The following MID1 variants were observed in gnomAD, a reference collection of about 807,000 sequenced individuals.
The protein encoded by MID1 is midline 1.
Under a neutral mutation model 40.4 loss-of-function variants are expected in MID1, and 7 were observed. The observed-to-expected ratio is 0.17, with a 90% confidence interval of 0.10 to 0.33. The LOEUF is 0.33. Ranked by LOEUF, MID1 falls within the 10% of genes least tolerant of loss-of-function variation. The pLI is 1.00. For missense variants in MID1, 367 were observed against 558.5 expected (o/e 0.66, Z 3.46); for synonymous variants, 229 against 221.2 (o/e 1.04, Z -0.31).
In MID1 at chrX:10,605,698, T is replaced by A. The variant is rs186355747; in HGVS notation, c.-57+14592A>T. Among the ~76,000 whole-genome samples the A allele has an allele frequency of 6.2e-3, 698 of 111,918 alleles. 1 individual carries two copies. The highest frequency in any genetic ancestry group is 9.8e-3 in the Non-Finnish European group (522 of 53,147). ...CATGCTATGAAACTAATACATTTTT[T>A]AAAAAGTATCCTATTATTTTGGGGG... On this transcript the variant is annotated intron_variant, in intron 1 of 9. Transcript: ENST00000317552.
chrX:10,504,161 T>C (rs1217893307), intron 3 of MID1, among the ~76,000 whole-genome samples: 1 of 111,702 alleles, frequency 9.0e-6, no homozygotes, highest in Non-Finnish European at 1.9e-5. Flanking sequence ...ACCAGGTTTT[T>C]ATTGCTTACT....
At chrX:10,772,858 G>A (rs1419312056) in intron 1 of MID1, among the ~76,000 whole-genome samples, 1 of 110,310 alleles carries the variant, frequency 9.1e-6, no homozygotes, top group Non-Finnish European at 1.9e-5. Flanking sequence ...TATGTTGAAT[G>A]ATTTGACATG....
intron 1 of MID1, among the ~76,000 whole-genome samples, chrX:10,634,240 T>C (rs910073420): frequency 8.9e-6 from 1 of 112,102 alleles, no homozygotes; most frequent in African/African-American, 3.2e-5. Context: ...AACAGGATGG[T>C]TGATATTTAT....
intron 1 of MID1, among the ~76,000 whole-genome samples, chrX:10,709,783 A>G (rs960420): frequency 0.17 from 18,466 of 111,343 alleles, 2,423 homozygotes; most frequent in African/African-American, 0.45. Context: ...CAGGTTATAA[A>G]AGCCAGTTAA....
At chrX:10,584,998 A>G (rs776776261) in intron 1 of MID1, among the ~76,000 whole-genome samples, 83 of 111,088 alleles carry the variant, frequency 7.5e-4, no homozygotes, top group East Asian at 1.7e-3. Context: ...CAGGGGGTAC[A>G]TGACAGGGGC....
intron 1 of MID1, among the ~76,000 whole-genome samples, chrX:10,785,469 T>C (rs2043875845): frequency 9.0e-6 from 1 of 111,191 alleles, no homozygotes; most frequent in African/African-American, 3.3e-5. Context: ...AAAATTACTT[T>C]AAAGTTCATA....
intron 1 of MID1, among the ~76,000 whole-genome samples, chrX:10,574,607 C>A (rs1298520091): frequency 8.9e-6 from 1 of 112,099 alleles, no homozygotes; most frequent in African/African-American, 3.2e-5. Flanking sequence ...ATAAGGTAAA[C>A]CCACCTCTCA....
intron 1 of MID1, among the ~76,000 whole-genome samples, chrX:10,645,056 G>A (rs1269541962): frequency 9.0e-6 from 1 of 111,657 alleles, no homozygotes; most frequent in East Asian, 2.8e-4. Context: ...AGTACAGTTA[G>A]TTGAGCCGGG....
chrX:10,739,881 A>G (rs1321220898), intron 1 of MID1, among the ~76,000 whole-genome samples: 3 of 112,459 alleles, frequency 2.7e-5, no homozygotes, highest in African/African-American at 6.5e-5. Context: ...TGTAGCCACA[A>G]CATTTTAGAA....
rs945492513 is a variant in MID1 at position 10,446,877 on chromosome X, T to C, written c.*2491A>G. The C allele has an allele frequency of 1.8e-5, 2 of 111,710 alleles. No individual in the cohort carries two copies. The highest frequency in any genetic ancestry group is 3.8e-5 in the Non-Finnish European group (2 of 53,281). The allele number at this position is 111,710 out of a possible 1,213,427, so 9.2% of individuals were successfully genotyped here. Reference sequence around the variant, plus strand: ...ATTTAATTGGCACTGCCATCTCTTTTGCCCCTGTATCGCAGTGTTTCCTGT... The same window carrying C: ...ATTTAATTGGCACTGCCATCTCTTTCGCCCCTGTATCGCAGTGTTTCCTGT... On this transcript the variant is annotated 3_prime_UTR_variant, in exon 10 of 10. Transcript: ENST00000317552.
chrX:10,474,835 A>C (rs1318255695), intron 5 of MID1, 85 bp from the exon 6 acceptor site: 2 of 1,033,788 alleles, frequency 1.9e-6, no homozygotes, highest in African/African-American at 1.9e-5. Context: ...AAAGGAAAAT[A>C]AATATCTCTT....
intron 1 of MID1, among the ~76,000 whole-genome samples, chrX:10,709,052 A>G (rs2043248656): frequency 8.9e-6 from 1 of 112,777 alleles, no homozygotes; most frequent in Admixed American, 9.4e-5. Flanking sequence ...GCTTTCTAGG[A>G]ACATATCCTT....
chrX:10,498,647 A>G (rs1314756467), intron 3 of MID1, among the ~76,000 whole-genome samples: 1 of 111,821 alleles, frequency 8.9e-6, no homozygotes, highest in African/African-American at 3.3e-5. Context: ...GGCAACCACT[A>G]GTCTACTTTC....
chrX:10,643,315 C>T (rs1341608675), intron 1 of MID1, among the ~76,000 whole-genome samples: 7 of 111,555 alleles, frequency 6.3e-5, no homozygotes, highest in African/African-American at 2.3e-4. Context: ...AACAAATTTA[C>T]AAGAAAAAAT....
In MID1 at chrX:10,570,471, G is replaced by A. The variant is rs993645433; in HGVS notation, c.-56-2868C>T. On this transcript the variant is annotated intron_variant, in intron 1 of 9. Transcript: ENST00000317552. ...ACACTAGAATATAAGCTCTGTGAAA[G>A]CAGAGATTTTGCTTTGCTCTTTGAA... 4.5e-4 allele frequency among the ~76,000 whole-genome samples: 51 copies of A among 112,214 alleles called. No homozygotes were observed. The Admixed American group carries it at 4.7e-3, about 10-fold the overall frequency.
chrX:10,748,465 A>G (rs1030963252), intron 1 of MID1, among the ~76,000 whole-genome samples: 1 of 112,036 alleles, frequency 8.9e-6, no homozygotes, highest in African/African-American at 3.2e-5. Context: ...ATAACTGCAT[A>G]TTTATAGGTT....
At chrX:10,826,784 T>C (rs1454167699) in intron 1 of MID1, among the ~76,000 whole-genome samples, 2 of 112,694 alleles carry the variant, frequency 1.8e-5, no homozygotes, top group East Asian at 2.8e-4. Context: ...GTTTGTCTCC[T>C]ACACTTGACT....
At chrX:10,672,775 C>T (rs2042996797) in intron 1 of MID1, among the ~76,000 whole-genome samples, 1 of 111,128 alleles carries the variant, frequency 9.0e-6, no homozygotes, top group Non-Finnish European at 1.9e-5. Context: ...GCCTCAAACT[C>T]CTGGCCTCAA....
rs778930440 is a variant in MID1 at position 10,478,788 on chromosome X, C to T, written c.1013+3692G>A. Among the ~76,000 whole-genome samples the T allele has an allele frequency of 8.9e-5, 10 of 112,137 alleles. No homozygotes were observed. In the South Asian group the frequency reaches 3.0e-3, roughly 33 times the overall value. On this transcript the variant is annotated intron_variant, in intron 5 of 9. Transcript: ENST00000317552. The stretch of plus-strand genomic sequence containing the variant: ...GTAGGAGGACATATCCACTTTAAGT[C>T]GCTTAACGATGCAGAAAATCTCATC...
Sources: gnomAD v4.1 joint callset for allele counts (sites outside exome capture counted in the v4.1 genomes callset) on GRCh38, gnomAD v4.1.1 for gene constraint, MANE v1.5 for transcripts, NCBI Gene and HGNC (gene_info 2026-07-23, HGNC 2026-07-21) for gene names.